Variants in HHIP observed in about 807,000 individuals in gnomAD.
HHIP encodes the protein hedgehog-interacting protein.
In HHIP, 12 loss-of-function variants were observed where a neutral mutation model predicts 74.0. That is an observed-to-expected ratio of 0.16 (90% CI 0.10 to 0.26). The LOEUF is 0.26. HHIP is among the 10% of genes least tolerant of loss of function. The pLI, the probability that HHIP is intolerant of heterozygous loss-of-function variation, is 1.00. For missense variants in HHIP, 788 were observed against 845.0 expected (o/e 0.93, Z 0.84); for synonymous variants, 309 against 311.6 (o/e 0.99, Z 0.09).
Position 144,739,890 on chromosome 4 carries a change from A to C in HHIP, c.*1933A>C, listed in dbSNP as rs1313299506. ...TGACAAATCTTGCAATGAACCATGC[A>C]GTAGCCTGCATCTGTAGGTTAATAG... On this transcript the variant is annotated 3_prime_UTR_variant, in exon 13 of 13. Transcript: ENST00000296575. 1 of 152,220 alleles carries C rather than the reference A, an allele frequency of 6.6e-6. No individual in the cohort carries two copies. The highest frequency in any genetic ancestry group is 1.5e-5 in the Non-Finnish European group (1 of 68,040). 9.4% of individuals were successfully genotyped at this position (152,220 alleles called of 1,614,324 possible). A position where few individuals can be genotyped will look rare whatever the true frequency, so the allele number is the denominator to read the frequency against.
Position 144,658,779 on chromosome 4 carries a change from A to AT in HHIP, c.473-5dup. 6.2e-7 allele frequency: 1 copy of AT among 1,605,092 alleles called. No homozygotes were observed. Among genetic ancestry groups the AT allele is most frequent in the Non-Finnish European group, 8.5e-7 (1 of 1,175,524 alleles). ...AGGTGCTTCTAATGAGTCTTTTTAT[A>AT]TTTTTTAAAGGTTTCCTTCAAACAA... is the stretch of plus-strand genomic sequence containing the variant. On this transcript the variant is annotated splice_polypyrimidine_tract_variant and intron_variant, in intron 2 of 12. Coordinates refer to ENST00000296575, the MANE Select transcript of HHIP (RefSeq NM_022475.3).
rs141733254 is a variant in HHIP at position 144,718,926 on chromosome 4, G to A, written c.1730G>A (p.Gly577Glu). 6.2e-7 allele frequency: 1 copy of A among 1,608,464 alleles called. No homozygotes were observed. The highest frequency in any genetic ancestry group is 8.5e-7 in the Non-Finnish European group (1 of 1,175,246). ...AAAAGTATGACCCAGACTCACAATG[G>A]AAAACTCTACAAAATTGTAGATCCC... Reference protein sequence around the residue: ...SSKSMTQTHNGKLYKIVDPKR... With the variant: ...SSKSMTQTHNEKLYKIVDPKR... The change falls in exon 11 of 13, where the codon GGA (glycine) becomes GAA (glutamate). Residue 577 changes from glycine (G) to glutamate (E), a missense_variant. Coordinates refer to ENST00000296575, the MANE Select transcript of HHIP (RefSeq NM_022475.3).
At chr4:144,677,124 T>C (rs1361911354) in intron 4 of HHIP, among the ~76,000 whole-genome samples, 2 of 152,214 alleles carry the variant, frequency 1.3e-5, no homozygotes, top group Non-Finnish European at 2.9e-5. Context: ...GTGCAACCAG[T>C]TGGCTTAAGA....
rs1731204912 is a variant in HHIP, at chr4:144,739,209, T to C, written c.*1252T>C. The stretch of plus-strand genomic sequence containing the variant: ...TGTTCTGTTCAGGGTTTTACAGAGA[T>C]GACATGTTCTGACTTAAAACTGCAA... On this transcript the variant is annotated 3_prime_UTR_variant, in exon 13 of 13. Transcript: ENST00000296575. 6.6e-6 allele frequency: 1 copy of C among 152,244 alleles called. No homozygotes were observed. The highest frequency in any genetic ancestry group is 1.5e-5 in the Non-Finnish European group (1 of 68,028). 9.4% of individuals were successfully genotyped at this position (152,244 alleles called of 1,614,324 possible).
intron 4 of HHIP, among the ~76,000 whole-genome samples, chr4:144,686,404 A>C (rs1021818908): frequency 1.3e-5 from 2 of 152,172 alleles, no homozygotes; most frequent in African/African-American, 2.4e-5. Flanking sequence ...TCAAGAAAAA[A>C]GGCTGGGTTA....
chr4:144,732,999 G>C (rs946706525), intron 11 of HHIP, among the ~76,000 whole-genome samples: 2 of 152,166 alleles, frequency 1.3e-5, no homozygotes, highest in African/African-American at 4.8e-5. Flanking sequence ...GGTCAGAAAT[G>C]CCACCATTGT....
intron 10 of HHIP, among the ~76,000 whole-genome samples, chr4:144,716,809 A>G (rs942520282): frequency 2.2e-5 from 3 of 136,018 alleles, no homozygotes; most frequent in African/African-American, 8.2e-5. Context: ...AGATCGCACC[A>G]TTGCACTCCA....
chr4:144,654,753 A>G (rs529120789), intron 2 of HHIP: 2 of 152,328 alleles, frequency 1.3e-5, no homozygotes, highest in East Asian at 1.9e-4. Flanking sequence ...GCAAATTTTA[A>G]TAGTTTTCCC....
rs869028218 is a variant in HHIP at position 144,716,854 on chromosome 4, G to GAAAAAAAAAAAAAAAAAA, written c.1678+1441_1678+1458dup. 2.0e-4 allele frequency among the ~76,000 whole-genome samples: 11 copies of GAAAAAAAAAAAAAAAAAA among 54,654 alleles called. 1 individual carries two copies. Among genetic ancestry groups the GAAAAAAAAAAAAAAAAAA allele is most frequent in the South Asian group, 9.5e-4 (1 of 1,048 alleles). 35.9% of individuals were successfully genotyped at this position (54,654 alleles called of 152,430 possible). Reference sequence around the variant, plus strand: ...ACATGAGCAAAACTCCGTCTCAAAAGAAAAAAAAAAAAAAAAAAAAAAAAA... The same window carrying GAAAAAAAAAAAAAAAAAA: ...ACATGAGCAAAACTCCGTCTCAAAAGAAAAAAAAAAAAAAAAAAAAAAAAAAAAAAAAAAAAAAAAAAA... On this transcript the variant is annotated intron_variant, in intron 10 of 12. Coordinates refer to ENST00000296575, the MANE Select transcript of HHIP (RefSeq NM_022475.3).
chr4:144,715,591 C>A, intron 10 of HHIP, 161 bp downstream of exon 10: 1 of 490,014 alleles, frequency 2.0e-6, no homozygotes, highest in Non-Finnish European at 3.3e-6. Context: ...AGTCCAGTTA[C>A]ATATTCTCTA....
At position 144,737,752 on chromosome 4, in the gene HHIP, T is replaced by C. The variant is rs1560726570; in HGVS notation, c.1910-12T>C. 1.3e-6 allele frequency: 2 copies of C among 1,587,334 alleles called. No individual in the cohort carries two copies. The highest frequency in any genetic ancestry group is 2.3e-5 in the South Asian group (2 of 86,544). ...ATGAGAGTGTGATGTTCTTGCTCTT[T>C]TTCTCTCCCAGCAAAATGTGAGCCA... On this transcript the variant is annotated splice_polypyrimidine_tract_variant and intron_variant, in intron 12 of 12. Transcript: ENST00000296575.
chr4:144,687,439 C>T (rs889777688), intron 4 of HHIP, among the ~76,000 whole-genome samples: 4 of 152,100 alleles, frequency 2.6e-5, no homozygotes, highest in African/African-American at 9.7e-5. Flanking sequence ...TAACTCTAGG[C>T]TAGTACAGAG....
chr4:144,694,547 T>C (rs1729763780), intron 4 of HHIP, among the ~76,000 whole-genome samples: 1 of 151,858 alleles, frequency 6.6e-6, no homozygotes, highest in South Asian at 2.1e-4. Flanking sequence ...ATGACCAGCA[T>C]ATTAGCCACA....
chr4:144,708,028 C>T, intron 6 of HHIP, 140 bp from the exon 7 acceptor site: 1 of 846,950 alleles, frequency 1.2e-6, no homozygotes, highest in Non-Finnish European at 1.8e-6. Flanking sequence ...CAGACGTGAG[C>T]CACTGCATCC....
At chr4:144,657,428 T>C (rs912728649) in intron 2 of HHIP, among the ~76,000 whole-genome samples, 12 of 152,118 alleles carry the variant, frequency 7.9e-5, no homozygotes, top group African/African-American at 2.9e-4. Context: ...TAATTTGTTA[T>C]ATAAAAATAA....
chr4:144,677,651 A>G (rs986509463), intron 4 of HHIP, among the ~76,000 whole-genome samples: 2 of 152,178 alleles, frequency 1.3e-5, no homozygotes, highest in African/African-American at 4.8e-5. Flanking sequence ...AGCAATAACA[A>G]CAGACATTCA....
At chr4:144,728,295 G>A (rs913586802) in intron 11 of HHIP, among the ~76,000 whole-genome samples, 6 of 152,284 alleles carry the variant, frequency 3.9e-5, no homozygotes, top group Admixed American at 1.3e-4. Context: ...GTGAGGATGA[G>A]ACTTTTAAAT....
At chr4:144,703,249 T>C (rs1730041445) in intron 4 of HHIP, among the ~76,000 whole-genome samples, 1 of 151,618 alleles carries the variant, frequency 6.6e-6, no homozygotes, top group East Asian at 1.9e-4. Context: ...GAAATCAGTG[T>C]CTTTTTGAAA....
intron 12 of HHIP, among the ~76,000 whole-genome samples, chr4:144,736,013 G>A (rs1731106764): frequency 6.6e-6 from 1 of 151,892 alleles, no homozygotes. Flanking sequence ...CATCTTCTCT[G>A]TCTTTTTGTT....
Sources: gnomAD v4.1 joint callset for allele counts (sites outside exome capture counted in the v4.1 genomes callset) on GRCh38, gnomAD v4.1.1 for gene constraint, MANE v1.5 for transcripts, NCBI Gene and HGNC (gene_info 2026-07-23, HGNC 2026-07-21) for gene names.